Variants in PCDHGB3 observed in about 807,000 individuals in gnomAD.
PCDHGB3 encodes protocadherin gamma subfamily B, 3.
PCDHGB3 carries 40 observed loss-of-function variants against 59.2 expected under a neutral mutation model. The ratio of observed to expected loss-of-function variants is 0.68; its 90% CI spans 0.52 to 0.88. The LOEUF (loss-of-function observed/expected upper bound fraction) is 0.88. Ranked by LOEUF, PCDHGB3 falls within the 40% of genes least tolerant of loss-of-function variation. PCDHGB3 has a pLI of 0.00. For synonymous variants in PCDHGB3, 581 were observed against 503.6 expected, an observed-to-expected ratio of 1.15 and a Z score of -2.06; for missense variants, 1,309 against 1,187.9, an observed-to-expected ratio of 1.10 and a Z score of -1.50.
chr5:141,507,487 G>A (rs889348168), intron 3 of PCDHGB3, among the ~76,000 whole-genome samples: 1 of 152,204 alleles, frequency 6.6e-6, no homozygotes, highest in African/African-American at 2.4e-5. Context: ...GCCTCCTGAG[G>A]CAGAGCTGTC....
At chr5:141,408,590 G>A (rs776799830) in intron 1 of PCDHGB3, 4 of 1,613,956 alleles carry the variant, frequency 2.5e-6, no homozygotes, top group East Asian at 2.2e-5. Context: ...TAATGACCAC[G>A]CCCCTCAATT....
At chr5:141,389,719 C>A (rs371194042) in intron 1 of PCDHGB3, 62 of 1,612,570 alleles carry the variant, frequency 3.8e-5, no homozygotes, top group South Asian at 1.1e-5. Flanking sequence ...GCTAGCGAGC[C>A]CGGGCTCTTC....
Position 141,491,420 on chromosome 5 carries a change from G to A in PCDHGB3, c.2416-3387G>A, listed in dbSNP as rs2099713954. 1.2e-6 allele frequency: 2 copies of A among 1,614,004 alleles called. No homozygotes were observed. The highest frequency in any genetic ancestry group is 2.2e-5 in the South Asian group (2 of 91,090). On this transcript the variant is annotated intron_variant, in intron 1 of 3. Transcript: ENST00000576222. This position sits in a 1 kb window ranked among gnomAD's most constrained non-coding sequence, Gnocchi z 6.9. ...GGAAACGCAGACGGGGACGGGGGTG[G>A]AGGGCAGTGCTGCAGGCGCCAGGAC...
Position 141,511,628 on chromosome 5 carries a change from G to C in PCDHGB3, c.*455G>C, listed in dbSNP as rs4912608. 0.2 allele frequency: 46,780 copies of C among 231,598 alleles called. 5,185 individuals are homozygous for C. The highest frequency in any genetic ancestry group is 0.32 in the Admixed American group (6,204 of 19,590). The allele number at this position is 231,598 out of a possible 1,614,324, so 14.3% of individuals were successfully genotyped here. A position where few individuals can be genotyped will look rare whatever the true frequency, so the allele number is the denominator to read the frequency against. On this transcript the variant is annotated 3_prime_UTR_variant, in exon 4 of 4. Transcript: ENST00000576222. ...CAAGCCTCCTAGTTCTGAAAAGTTG[G>C]AAGGGCATCATGACCTCTTGGCCTC...
rs770010951 is a variant in PCDHGB3 at position 141,408,783 on chromosome 5, T to A, written c.2415+35974T>A. On this transcript the variant is annotated intron_variant, in intron 1 of 3. Transcript: ENST00000576222. ...TCCGATGGTGGCAAATACCCAGAGT[T>A]ATCTCTGGAGAAACTCCTAGACCGG... 26 of 1,612,386 alleles carry A rather than the reference T, an allele frequency of 1.6e-5. No homozygotes were observed. The East Asian group carries it at 5.8e-4, about 36-fold the overall frequency.
chr5:141,481,503 G>A (rs1006282101), intron 1 of PCDHGB3, among the ~76,000 whole-genome samples: 3 of 152,236 alleles, frequency 2.0e-5, no homozygotes, highest in African/African-American at 7.2e-5. Context: ...TGCATGGTAT[G>A]TGAATTATGT....
chr5:141,471,006 T>A (rs560578929), intron 1 of PCDHGB3, among the ~76,000 whole-genome samples: 57 of 150,804 alleles, frequency 3.8e-4, no homozygotes, highest in African/African-American at 1.3e-3. Context: ...CATGAGCCAC[T>A]GTGCCTGGTC....
intron 1 of PCDHGB3, among the ~76,000 whole-genome samples, chr5:141,407,809 T>C (rs2094984510): frequency 6.6e-6 from 1 of 152,228 alleles, no homozygotes; most frequent in South Asian, 2.1e-4. Flanking sequence ...TAGAAATATC[T>C]ACTATAATAT....
At chr5:141,433,044 A>T in intron 1 of PCDHGB3, 2 of 1,613,972 alleles carry the variant, frequency 1.2e-6, no homozygotes, top group Non-Finnish European at 8.5e-7. Flanking sequence ...CTCACCACGG[A>T]CTCGCGGAAG....
intron 1 of PCDHGB3, chr5:141,414,696 A>T: frequency 6.2e-7 from 1 of 1,613,982 alleles, no homozygotes; most frequent in Non-Finnish European, 8.5e-7. Flanking sequence ...CTCTGTCCTC[A>T]TACATATCCA....
chr5:141,487,404 C>A lies in PCDHGB3; in HGVS notation c.2416-7403C>A, dbSNP rs771371344. 1.2e-6 allele frequency: 2 copies of A among 1,614,178 alleles called. No homozygotes were observed. Among genetic ancestry groups the A allele is most frequent in the Non-Finnish European group, 1.7e-6 (2 of 1,180,032 alleles). ...AGATCTCGAAGGAGGGAGGGGCTTC[C>A]CCCTTCCAATGGGATCCTCCGAATC... is the stretch of plus-strand genomic sequence containing the variant. On this transcript the variant is annotated intron_variant, in intron 1 of 3. Coordinates refer to ENST00000576222, the MANE Select transcript of PCDHGB3 (RefSeq NM_018924.5). The surrounding 1 kb of genome is among the most constrained non-coding windows in gnomAD (Gnocchi z 5.0).
At position 141,486,002 on chromosome 5, in the gene PCDHGB3, G is replaced by A. The variant is rs372373315; in HGVS notation, c.2416-8805G>A. ...CCCGGACCTGGGTCCCAGTGGTAAC[G>A]TCACCTTTTATTTCAGTGGTCATAC... On this transcript the variant is annotated intron_variant, in intron 1 of 3. Coordinates refer to ENST00000576222, the MANE Select transcript of PCDHGB3 (RefSeq NM_018924.5). The surrounding 1 kb of genome is among the most constrained non-coding windows in gnomAD (Gnocchi z 5.0). 2.0e-5 allele frequency: 33 copies of A among 1,614,030 alleles called. No homozygotes were observed. The highest frequency in any genetic ancestry group is 2.8e-5 in the Non-Finnish European group (33 of 1,180,014).
chr5:141,384,787 C>T (rs761655907), intron 1 of PCDHGB3: 32 of 1,613,552 alleles, frequency 2.0e-5, no homozygotes, highest in Non-Finnish European at 2.4e-5. Flanking sequence ...GCGCACGGCT[C>T]GGGCCCTGCT....
intron 1 of PCDHGB3, chr5:141,421,270 C>G: frequency 6.2e-7 from 1 of 1,612,094 alleles, no homozygotes; most frequent in Non-Finnish European, 8.5e-7. Context: ...TCGGCTGCTG[C>G]TGCTGCTGTG....
chr5:141,473,308 A>G (rs1248143328), intron 1 of PCDHGB3, among the ~76,000 whole-genome samples: 1 of 152,234 alleles, frequency 6.6e-6, no homozygotes, highest in Non-Finnish European at 1.5e-5. Context: ...AGATTGCTAT[A>G]TTAATAAGCA....
chr5:141,405,546 A>G (rs2094684316), intron 1 of PCDHGB3: 1 of 630,658 alleles, frequency 1.6e-6, no homozygotes, highest in Admixed American at 2.9e-5. Context: ...CAGCCTCCCA[A>G]GTAGAGTAGC....
chr5:141,414,849 C>G (rs10038103), intron 1 of PCDHGB3: 1 of 1,614,134 alleles, frequency 6.2e-7, no homozygotes, highest in African/African-American at 1.3e-5. Flanking sequence ...TTGTGCTGGA[C>G]CAGAACGACA....
chr5:141,403,512 A>G (rs751429629), intron 1 of PCDHGB3: 2 of 1,614,020 alleles, frequency 1.2e-6, no homozygotes, highest in Non-Finnish European at 1.7e-6. Context: ...ACTGGAGACA[A>G]TGGAGCCATA....
At chr5:141,414,489 G>C (rs754325517) in intron 1 of PCDHGB3, 2 of 1,613,872 alleles carry the variant, frequency 1.2e-6, no homozygotes, top group South Asian at 2.2e-5. Context: ...CTCTATCAAC[G>C]GAAGCTCACT....
Sources: gnomAD v4.1 joint callset for allele counts (sites outside exome capture counted in the v4.1 genomes callset) on GRCh38, gnomAD v4.1.1 for gene constraint, Gnocchi (gnomAD v3.1) non-coding constraint, MANE v1.5 for transcripts, NCBI Gene and HGNC (gene_info 2026-07-23, HGNC 2026-07-21) for gene names.